Variants in RYR1 observed in about 807,000 individuals in gnomAD.
RYR1 encodes central core disease of muscle.
Under a neutral mutation model 583.5 loss-of-function variants are expected in RYR1, and 342 were observed. The ratio of observed to expected loss-of-function variants is 0.59; its 90% CI spans 0.54 to 0.64. RYR1 has a LOEUF of 0.64. Ranked by LOEUF, RYR1 falls within the 30% of genes least tolerant of loss-of-function variation. The pLI, the probability that RYR1 is intolerant of heterozygous loss-of-function variation, is 0.00. For missense variants in RYR1, 6,032 were observed against 6,917.2 expected (o/e 0.87, Z 4.54); for synonymous variants, 2,791 against 2,822.5 (o/e 0.99, Z 0.35).
At chr19:38,580,264 G>T in intron 100 of RYR1, 106 bp from the exon 101 acceptor site, 1 of 1,586,680 alleles carries the variant, frequency 6.3e-7, no homozygotes, top group East Asian at 2.3e-5. Flanking sequence ...GTGTGGGGCA[G>T]CAAGGTAGAG....
At chr19:38,506,026 G>T in intron 54 of RYR1, 80 bp downstream of exon 54, 2 of 1,569,862 alleles carry the variant, frequency 1.3e-6, no homozygotes, top group Non-Finnish European at 1.7e-6. Flanking sequence ...GACAGGGAAG[G>T]GATGGAGAGG....
intron 67 of RYR1, among the ~76,000 whole-genome samples, chr19:38,519,929 G>A (rs760663044): frequency 2.0e-5 from 3 of 151,870 alleles, no homozygotes; most frequent in Admixed American, 6.6e-5. Context: ...TGCCTGCCTC[G>A]GCCTCCCAAA....
At chr19:38,437,133 C>T (rs1302008119) in intron 1 of RYR1, among the ~76,000 whole-genome samples, 2 of 151,974 alleles carry the variant, frequency 1.3e-5, no homozygotes, top group Admixed American at 6.6e-5. Flanking sequence ...TCACTGCAAC[C>T]TCCGCCTCCT....
chr19:38,522,607 T>C (rs1160033754), intron 67 of RYR1, among the ~76,000 whole-genome samples: 1 of 151,422 alleles, frequency 6.6e-6, no homozygotes, highest in African/African-American at 2.4e-5. Context: ...AGACCCTGTC[T>C]CAGAAAGAAA....
intron 99 of RYR1, among the ~76,000 whole-genome samples, chr19:38,578,904 C>A (rs961343069): frequency 6.6e-6 from 1 of 150,760 alleles, no homozygotes; most frequent in Non-Finnish European, 1.5e-5. Context: ...TGAGCTCAAA[C>A]GTTTAAGACC....
chr19:38,511,965 G>A, intron 61 of RYR1, 107 bp from the exon 62 acceptor site: 1 of 1,322,800 alleles, frequency 7.6e-7, no homozygotes, highest in Non-Finnish European at 1.1e-6. Context: ...TTCCAACTTA[G>A]CCCGCAGGTA....
In RYR1 at chr19:38,561,306, T is replaced by C; in HGVS notation, c.12476T>C (p.Leu4159Pro). 1 of 1,614,046 alleles carries C rather than the reference T, an allele frequency of 6.2e-7. No homozygotes were observed. ...LSEHVPHDPR[L>P]HNFLELAESI... ...GAGCATGTGCCGCATGACCCTCGCC[T>C]GCACAACTTCCTGGAGCTGGCCGAG... is the stretch of plus-strand genomic sequence containing the variant. The change falls in exon 90 of 106, where the codon CTG becomes CCG. Residue 4159 changes from leucine (L) to proline (P), a missense_variant. This residue lies in a region of RYR1 where 753 missense variants were observed against 759.6 expected (regional missense o/e 0.99). Coordinates refer to ENST00000359596, the MANE Select transcript of RYR1 (RefSeq NM_000540.3). The surrounding 1 kb of genome is among the most constrained non-coding windows in gnomAD (Gnocchi z 4.8).
intron 96 of RYR1, 56 bp from the exon 97 acceptor site, chr19:38,575,860 GCTC>G: frequency 6.3e-7 from 1 of 1,585,612 alleles, no homozygotes; most frequent in Admixed American, 1.7e-5. Flanking sequence ...GTGGCTGACA[GCTC>G]TGATCCCTCT....
At position 38,566,940 on chromosome 19, in the gene RYR1, AGAGCCAGAGCCC is replaced by A. The variant is rs1222379948; in HGVS notation, c.13473_13484del (p.Pro4495_Glu4498del). The A allele has an allele frequency of 6.2e-7, 1 of 1,606,898 alleles. No individual in the cohort carries two copies. Among genetic ancestry groups the A allele is most frequent in the South Asian group, 1.1e-5 (1 of 89,508 alleles). On this transcript the variant is annotated inframe_deletion, in exon 92 of 106. Coordinates refer to ENST00000359596, the MANE Select transcript of RYR1 (RefSeq NM_000540.3). ...ATGGAGTGGAGGAGGAGCTCCCGCC[AGAGCCAGAGCCC>A]GAGCCGGAACCAGAGCTGGAGCCGG...
rs1455274443 is a variant in RYR1 at position 38,543,735 on chromosome 19, A to T, written c.11908-36A>T. 2.5e-5 allele frequency: 41 copies of T among 1,610,960 alleles called. No homozygotes were observed. Among genetic ancestry groups the T allele is most frequent in the Non-Finnish European group, 3.5e-5 (41 of 1,179,916 alleles). ...CGTGATCCCTGATCCCTTCTCGGGG[A>T]TTCCCTTCCCCCCCACACGGCACTC... On this transcript the variant is annotated intron_variant, in intron 86 of 105. Coordinates refer to ENST00000359596, the MANE Select transcript of RYR1 (RefSeq NM_000540.3). This position sits in a 1 kb window ranked among gnomAD's most constrained non-coding sequence, Gnocchi z 4.4.
intron 76 of RYR1, among the ~76,000 whole-genome samples, chr19:38,529,319 A>G (rs1231091564): frequency 6.6e-6 from 1 of 152,226 alleles, no homozygotes; most frequent in Middle Eastern, 3.2e-3. Flanking sequence ...CGTTTCTACA[A>G]AAATACAATA....
intron 69 of RYR1, 77 bp downstream of exon 69, chr19:38,523,386 C>T (rs1284719618): frequency 5.1e-6 from 8 of 1,563,318 alleles, no homozygotes; most frequent in Non-Finnish European, 7.0e-6. Context: ...CTGGCCTGTC[C>T]TCACCCAGCC....
At position 38,579,959 on chromosome 19, in the gene RYR1, C is replaced by G. The variant is rs1974124225; in HGVS notation, c.14365-23C>G. 5 of 1,613,906 alleles carry G rather than the reference C, an allele frequency of 3.1e-6. No homozygotes were observed. The African/African-American group carries it at 5.3e-5, about 17-fold the overall frequency. ...TCGTGTGTCCCTGCCTTCCCCCTGACCCCTGGCCCTGTGTGCCCACAGTCC... is the reference window on the plus strand; with the variant it reads ...TCGTGTGTCCCTGCCTTCCCCCTGAGCCCTGGCCCTGTGTGCCCACAGTCC... On this transcript the variant is annotated intron_variant, in intron 99 of 105. Coordinates refer to ENST00000359596, the MANE Select transcript of RYR1 (RefSeq NM_000540.3).
chr19:38,566,949 G>T lies in RYR1; in HGVS notation c.13476G>T (p.Glu4492Asp). Residue 4492 changes from glutamate (E) to aspartate (D), a missense_variant, in exon 92 of 106, where the codon GAG becomes GAT. Around this residue, in one of 11 missense-constraint regions of RYR1, gnomAD observed 753 missense variants for 759.6 expected, o/e 0.99. Coordinates refer to ENST00000359596, the MANE Select transcript of RYR1 (RefSeq NM_000540.3). ...GVEEELPPEP[E>D]PEPEPELEPE... is the part of the protein sequence containing the mutation. Reference sequence around the variant, plus strand: ...AGGAGGAGCTCCCGCCAGAGCCAGAGCCCGAGCCGGAACCAGAGCTGGAGC... The same window carrying T: ...AGGAGGAGCTCCCGCCAGAGCCAGATCCCGAGCCGGAACCAGAGCTGGAGC... 5.6e-6 allele frequency: 9 copies of T among 1,606,296 alleles called. No homozygotes were observed. Among genetic ancestry groups the T allele is most frequent in the Non-Finnish European group, 7.6e-6 (9 of 1,176,686 alleles).
chr19:38,512,513 C>A lies in RYR1; in HGVS notation c.9472+30C>A, dbSNP rs77374921. On this transcript the variant is annotated intron_variant, in intron 63 of 105. Coordinates refer to ENST00000359596, the MANE Select transcript of RYR1 (RefSeq NM_000540.3). This position sits in a 1 kb window ranked among gnomAD's most constrained non-coding sequence, Gnocchi z 5.1. ...GGGCGCCTGACCCAAGGGCAGGTTG[C>A]GGGGAGTCAGTGTGGCCAACACCAC... 1 of 1,598,176 alleles carries A rather than the reference C, an allele frequency of 6.3e-7. No individual in the cohort carries two copies. Among genetic ancestry groups the A allele is most frequent in the South Asian group, 1.1e-5 (1 of 90,982 alleles).
intron 31 of RYR1, among the ~76,000 whole-genome samples, chr19:38,479,257 C>A (rs1968896197): frequency 1.3e-5 from 2 of 152,294 alleles, no homozygotes; most frequent in Admixed American, 1.3e-4. Context: ...ATGTAGATAA[C>A]ACCCTGTACC....
rs1447604189 is a variant in RYR1, at chr19:38,463,865, G to T, written c.2786+15G>T. The T allele has an allele frequency of 1.2e-6, 2 of 1,606,766 alleles. No individual in the cohort carries two copies. Among genetic ancestry groups the T allele is most frequent in the Admixed American group, 1.7e-5 (1 of 59,976 alleles). ...GAGACGCTCAAGTGAGGGCCCAGGGGAGCCGGGGGTTGGGGCTGGCTGCTG... is the reference window on the plus strand; with the variant it reads ...GAGACGCTCAAGTGAGGGCCCAGGGTAGCCGGGGGTTGGGGCTGGCTGCTG... On this transcript the variant is annotated intron_variant, in intron 22 of 105. Coordinates refer to ENST00000359596, the MANE Select transcript of RYR1 (RefSeq NM_000540.3).
intron 2 of RYR1, among the ~76,000 whole-genome samples, chr19:38,441,744 G>T (rs989760133): frequency 6.6e-6 from 1 of 151,552 alleles, no homozygotes; most frequent in South Asian, 2.1e-4. Context: ...TGATGGGGGG[G>T]AAGTTTCAGA....
intron 105 of RYR1, among the ~76,000 whole-genome samples, chr19:38,586,832 G>A (rs1974513255): frequency 1.3e-5 from 2 of 152,150 alleles, no homozygotes; most frequent in South Asian, 2.1e-4. Flanking sequence ...TTAGCAGGGC[G>A]TGGTTGTGCA....
Sources: gnomAD v4.1 joint callset for allele counts (sites outside exome capture counted in the v4.1 genomes callset) on GRCh38, gnomAD v4.1.1 for gene constraint, gnomAD v4.1.1 regional missense constraint, Gnocchi (gnomAD v3.1) non-coding constraint, MANE v1.5 for transcripts, NCBI Gene and HGNC (gene_info 2026-07-23, HGNC 2026-07-21) for gene names.